The following NOS1 variants were observed in gnomAD, a reference collection of about 807,000 sequenced individuals.
The protein encoded by NOS1 is NOS type I.
A neutral mutation model predicts 164.5 loss-of-function variants in NOS1; 51 were observed. The observed-to-expected ratio is 0.31, with a 90% confidence interval of 0.25 to 0.39. NOS1 has a LOEUF of 0.39. NOS1 is among the 10% of genes least tolerant of loss of function. The pLI, the probability that NOS1 is intolerant of heterozygous loss-of-function variation, is 1.00. For synonymous variants in NOS1, 719 were observed against 745.8 expected (o/e 0.96, Z 0.59); for missense variants, 1,362 against 1,885.6 (o/e 0.72, Z 5.14).
intron 25 of NOS1, among the ~76,000 whole-genome samples, chr12:117,224,008 C>G (rs1031833276): frequency 6.6e-6 from 1 of 152,182 alleles, no homozygotes; most frequent in Non-Finnish European, 1.5e-5. Flanking sequence ...ATGGAAGTAA[C>G]AGGACTGTTG....
At chr12:117,258,638 C>T (rs941667379) in intron 15 of NOS1, among the ~76,000 whole-genome samples, 183 bp from the exon 16 acceptor site, 1 of 152,102 alleles carries the variant, frequency 6.6e-6, no homozygotes, top group African/African-American at 2.4e-5. Context: ...AGTGGATACA[C>T]CTGCTGTTTA....
chr12:117,209,991 G>C lies in NOS1; in HGVS notation c.*5318C>G. The stretch of plus-strand genomic sequence containing the variant: ...TGGTCTTTCATTTTAATTTTTTTTA[G>C]AGACAGGGTCTTGCTCTGTCACTCA... On this transcript the variant is annotated 3_prime_UTR_variant, in exon 29 of 29. Transcript: ENST00000317775. 1.0e-6 allele frequency: 1 copy of C among 984,888 alleles called. No individual in the cohort carries two copies. The highest frequency in any genetic ancestry group is 1.2e-6 in the Non-Finnish European group (1 of 829,628). 61.0% of individuals were successfully genotyped at this position (984,888 alleles called of 1,614,324 possible). A position where few individuals can be genotyped will look rare whatever the true frequency, so the allele number is the denominator to read the frequency against.
intron 16 of NOS1, among the ~76,000 whole-genome samples, chr12:117,257,868 G>A (rs1871588569): frequency 1.3e-5 from 2 of 148,162 alleles, no homozygotes; most frequent in East Asian, 2.0e-4. Flanking sequence ...GCAATGGTGC[G>A]ATCTTGGCTC....
chr12:117,251,771 G>C (rs1023826085), intron 17 of NOS1, among the ~76,000 whole-genome samples: 2 of 149,642 alleles, frequency 1.3e-5, no homozygotes, highest in African/African-American at 4.9e-5. Context: ...TTGCTCTATC[G>C]TCCAGGCTGG....
intron 3 of NOS1, among the ~76,000 whole-genome samples, chr12:117,301,359 C>T (rs1400628248): frequency 1.3e-5 from 2 of 152,166 alleles, no homozygotes; most frequent in Non-Finnish European, 2.9e-5. Context: ...AAATTCCCGA[C>T]CTAAAGTGTT....
chr12:117,255,865 G>T, intron 16 of NOS1: 1 of 903,852 alleles, frequency 1.1e-6, no homozygotes, highest in East Asian at 3.0e-5. Context: ...TGTGTGGCCT[G>T]GGATGCTCAG....
At chr12:117,249,844 T>C (rs1870948134) in intron 17 of NOS1, among the ~76,000 whole-genome samples, 1 of 152,198 alleles carries the variant, frequency 6.6e-6, no homozygotes, top group Admixed American at 6.5e-5. Context: ...CACTTTCTGC[T>C]ACATTTCCAG....
rs1156470010 is a variant in NOS1, at chr12:117,211,104, A to G, written c.*4205T>C. 3 of 556,830 alleles carry G rather than the reference A, an allele frequency of 5.4e-6. No individual in the cohort carries two copies. The highest frequency in any genetic ancestry group is 4.1e-5 in the African/African-American group (2 of 48,820). 34.5% of individuals were successfully genotyped at this position (556,830 alleles called of 1,614,324 possible). A position where few individuals can be genotyped will look rare whatever the true frequency, so the allele number is the denominator to read the frequency against. ...CCCAGGTAGCTGAGACTACAGGCGCATGCCACCATGCCCAGCTAATTTTTG... is the reference window on the plus strand; with the variant it reads ...CCCAGGTAGCTGAGACTACAGGCGCGTGCCACCATGCCCAGCTAATTTTTG... On this transcript the variant is annotated 3_prime_UTR_variant, in exon 29 of 29. Coordinates refer to ENST00000317775, the MANE Select transcript of NOS1 (RefSeq NM_000620.5).
chr12:117,354,675 T>C (rs1298307942), intron 1 of NOS1, among the ~76,000 whole-genome samples: 1 of 152,144 alleles, frequency 6.6e-6, no homozygotes, highest in African/African-American at 2.4e-5. Flanking sequence ...AGTGACTAAA[T>C]AGGATGGACT....
At chr12:117,253,986 G>C (rs1333090434) in intron 16 of NOS1, among the ~76,000 whole-genome samples, 1 of 152,052 alleles carries the variant, frequency 6.6e-6, no homozygotes, top group African/African-American at 2.4e-5. Flanking sequence ...AAGGTTTCTG[G>C]CCATGCTTAA....
At position 117,210,873 on chromosome 12, in the gene NOS1, G is replaced by C; in HGVS notation, c.*4436C>G. On this transcript the variant is annotated 3_prime_UTR_variant, in exon 29 of 29. Transcript: ENST00000317775. ...TCCAGAGAAGCTGACTATCACATCAGCTCTGAAAACTCATCTTTTCCCTGA... is the reference window on the plus strand; with the variant it reads ...TCCAGAGAAGCTGACTATCACATCACCTCTGAAAACTCATCTTTTCCCTGA... 1 of 985,396 alleles carries C rather than the reference G, an allele frequency of 1.0e-6. No homozygotes were observed. Among genetic ancestry groups the C allele is most frequent in the Non-Finnish European group, 1.2e-6 (1 of 829,940 alleles). 61.0% of individuals were successfully genotyped at this position (985,396 alleles called of 1,614,324 possible).
At chr12:117,262,991 T>C (rs991680813) in intron 13 of NOS1, among the ~76,000 whole-genome samples, 1 of 152,082 alleles carries the variant, frequency 6.6e-6, no homozygotes, top group African/African-American at 2.4e-5. Context: ...CCTCCCAAAC[T>C]CCGTGAACCA....
intron 1 of NOS1, among the ~76,000 whole-genome samples, chr12:117,352,068 G>T (rs963601777): frequency 4.6e-5 from 7 of 152,286 alleles, no homozygotes; most frequent in Admixed American, 2.6e-4. Flanking sequence ...AGCTACTCAG[G>T]AGGCTGAGGT....
At chr12:117,232,156 A>T in intron 21 of NOS1, 25 bp from the exon 22 acceptor site, 1 of 1,610,564 alleles carries the variant, frequency 6.2e-7, no homozygotes, top group Non-Finnish European at 8.5e-7. Context: ...GGCAGGTGAC[A>T]GGTGGGTGTG....
intron 17 of NOS1, among the ~76,000 whole-genome samples, chr12:117,248,618 C>T (rs1400086297): frequency 2.6e-5 from 4 of 151,748 alleles, no homozygotes; most frequent in African/African-American, 9.7e-5. Flanking sequence ...TGGGTTGGTT[C>T]CAAGTCTTTG....
At chr12:117,338,230 A>C (rs55942930) in intron 1 of NOS1, among the ~76,000 whole-genome samples, 52,901 of 151,360 alleles carry the variant, frequency 0.35, 9,550 homozygotes, top group Middle Eastern at 0.46. Flanking sequence ...CAAAACAAAA[A>C]AAAACAAAAC....
chr12:117,290,443 A>C lies in NOS1; in HGVS notation c.853-17T>G. ...GGTGGGGGGCTGCAGGAGAGAATGA[A>C]GGTGGAAGATGAGGCAGGGCCTTGA... is the stretch of plus-strand genomic sequence containing the variant. On this transcript the variant is annotated splice_polypyrimidine_tract_variant and intron_variant, in intron 3 of 28. Transcript: ENST00000317775. The C allele has an allele frequency of 2.5e-6, 4 of 1,605,196 alleles. No homozygotes were observed. Among genetic ancestry groups the C allele is most frequent in the Non-Finnish European group, 3.4e-6 (4 of 1,175,272 alleles).
intron 27 of NOS1, among the ~76,000 whole-genome samples, chr12:117,219,040 G>A (rs1486323380): frequency 6.7e-5 from 10 of 149,494 alleles, no homozygotes; most frequent in Admixed American, 2.0e-4. Context: ...GTGCAGTGGC[G>A]TGATCTCGGC....
intron 2 of NOS1, among the ~76,000 whole-genome samples, chr12:117,324,468 G>T (rs527565727): frequency 9.2e-5 from 14 of 152,268 alleles, no homozygotes; most frequent in South Asian, 4.1e-4. Context: ...GGTGGCTCAC[G>T]CCTGTAATCC....
Sources: allele counts gnomAD v4.1 joint callset (sites outside exome capture counted in the v4.1 genomes callset), GRCh38; gene constraint gnomAD v4.1.1; transcripts MANE v1.5; gene names NCBI Gene and HGNC (gene_info 2026-07-23, HGNC 2026-07-21).